The following RBFOX1 variants were observed in gnomAD, a reference collection of about 807,000 sequenced individuals.
RBFOX1 encodes the protein RNA binding fox-1 homolog 1.
A neutral mutation model predicts 57.7 loss-of-function variants in RBFOX1; 8 were observed. That is an observed-to-expected ratio of 0.14 (90% CI 0.08 to 0.25). The LOEUF is 0.25. Among genes scored for constraint, RBFOX1 ranks in the 10% least tolerant of loss-of-function variants. The pLI is 1.00. For missense variants in RBFOX1, 611 were observed against 548.5 expected (o/e 1.11, Z -1.14); for synonymous variants, 326 against 222.4 (o/e 1.47, Z -4.15).
At chr16:7,093,761 A>G (rs568505759) in intron 4 of RBFOX1, among the ~76,000 whole-genome samples, 1 of 152,206 alleles carries the variant, frequency 6.6e-6, no homozygotes, top group African/African-American at 2.4e-5. Flanking sequence ...GTTGATGTAA[A>G]TTGATCAGTA....
chr16:6,548,233 G>T (rs1178699460), intron 2 of RBFOX1, among the ~76,000 whole-genome samples: 1 of 152,072 alleles, frequency 6.6e-6, no homozygotes, highest in East Asian at 1.9e-4. Context: ...GTAAACTTTT[G>T]TTTTGTTTTG....
At chr16:6,870,297 G>C (rs569828788) in intron 3 of RBFOX1, among the ~76,000 whole-genome samples, 30 of 151,866 alleles carry the variant, frequency 2.0e-4, no homozygotes, top group African/African-American at 7.0e-4. Flanking sequence ...GTGCCTTTTT[G>C]TTTGTCAGCA....
intron 3 of RBFOX1, among the ~76,000 whole-genome samples, chr16:5,806,836 G>A (rs142609513): frequency 9.2e-5 from 14 of 152,318 alleles, no homozygotes; most frequent in East Asian, 7.7e-4. Context: ...CCTTCACGTC[G>A]TCAGGGGCTC....
At chr16:6,810,933 C>T (rs1377821275) in intron 3 of RBFOX1, among the ~76,000 whole-genome samples, 1 of 152,120 alleles carries the variant, frequency 6.6e-6, no homozygotes, top group African/African-American at 2.4e-5. Context: ...TATCAAGGTT[C>T]GGTTGCTTCC....
At chr16:7,655,420 A>G (rs2066062565) in intron 12 of RBFOX1, among the ~76,000 whole-genome samples, 1 of 152,232 alleles carries the variant, frequency 6.6e-6, no homozygotes, top group Non-Finnish European at 1.5e-5. Flanking sequence ...TAACAAACCA[A>G]GAATGAACTG....
intron 4 of RBFOX1, among the ~76,000 whole-genome samples, chr16:5,883,198 CAGG>C (rs1374184296): frequency 1.3e-5 from 2 of 151,724 alleles, no homozygotes; most frequent in African/African-American, 4.8e-5. Flanking sequence ...TTTTTTTTTG[CAGG>C]AGGAGAGGAT....
At chr16:5,770,244 A>G (rs9927115) in intron 3 of RBFOX1, among the ~76,000 whole-genome samples, 59,630 of 151,670 alleles carry the variant, frequency 0.39, 12,057 homozygotes, top group East Asian at 0.61. Flanking sequence ...ATAAAAATAG[A>G]ATGCAATAAT....
chr16:5,492,067 A>G (rs1308106841), intron 2 of RBFOX1, among the ~76,000 whole-genome samples: 1 of 152,130 alleles, frequency 6.6e-6, no homozygotes, highest in African/African-American at 2.4e-5. Flanking sequence ...TTGGAACTGC[A>G]CACTCTCGGG....
intron 3 of RBFOX1, among the ~76,000 whole-genome samples, chr16:6,825,173 A>G (rs1603629318): frequency 6.7e-6 from 1 of 150,234 alleles, no homozygotes; most frequent in East Asian, 2.0e-4. Context: ...TGCTGGTCAG[A>G]TGATCCTTTC....
In RBFOX1 at chr16:5,977,070, C is replaced by G. The variant is rs1046467299; in HGVS notation, c.351+109735C>G. Reference sequence around the variant, plus strand: ...CACAGGGCATCAGAATCTCCTGTCTCAGAGCCCAGGAATCTGCATGGTGGC... The same window carrying G: ...CACAGGGCATCAGAATCTCCTGTCTGAGAGCCCAGGAATCTGCATGGTGGC... On this transcript the variant is annotated intron_variant, in intron 4 of 19. Coordinates refer to the RBFOX1 transcript ENST00000641259. Among the ~76,000 whole-genome samples the G allele has an allele frequency of 3.9e-5, 6 of 152,140 alleles. No homozygotes were observed. The East Asian group carries it at 1.2e-3, about 29-fold the overall frequency.
intron 2 of RBFOX1, among the ~76,000 whole-genome samples, chr16:6,649,486 C>A (rs898843596): frequency 1.3e-5 from 2 of 152,142 alleles, no homozygotes; most frequent in African/African-American, 2.4e-5. Context: ...TACACCGTAC[C>A]CAACGTGTAA....
chr16:6,902,126 A>T (rs558576404), intron 3 of RBFOX1, among the ~76,000 whole-genome samples: 1 of 152,204 alleles, frequency 6.6e-6, no homozygotes, highest in South Asian at 2.1e-4. Flanking sequence ...TGAAACCAGG[A>T]GTGCTGGAAC....
intron 3 of RBFOX1, among the ~76,000 whole-genome samples, chr16:7,025,719 G>A (rs1262914859): frequency 6.6e-6 from 1 of 151,974 alleles, no homozygotes; most frequent in African/African-American, 2.4e-5. Flanking sequence ...CTGCCAGTCA[G>A]GACATCCTAG....
intron 4 of RBFOX1, among the ~76,000 whole-genome samples, chr16:7,476,215 C>G (rs1416390427): frequency 6.6e-6 from 1 of 152,162 alleles, no homozygotes; most frequent in Non-Finnish European, 1.5e-5. Flanking sequence ...TCAAATGATC[C>G]TCCCACCTAG....
intron 3 of RBFOX1, among the ~76,000 whole-genome samples, chr16:6,929,952 G>C (rs7184447): frequency 6.6e-6 from 1 of 152,114 alleles, no homozygotes; most frequent in Non-Finnish European, 1.5e-5. Context: ...CCCATAGTTC[G>C]TCAGGAATCA....
At chr16:6,429,519 C>T (rs1567251626) in intron 2 of RBFOX1, among the ~76,000 whole-genome samples, 4 of 152,148 alleles carry the variant, frequency 2.6e-5, no homozygotes, top group Admixed American at 2.6e-4. Context: ...TCTGTTTGTT[C>T]CTTGTTCAAT....
At chr16:6,975,440 A>G (rs1364343849) in intron 3 of RBFOX1, among the ~76,000 whole-genome samples, 2 of 151,904 alleles carry the variant, frequency 1.3e-5, no homozygotes, top group African/African-American at 4.8e-5. Context: ...TAATTTCTGT[A>G]TTTTTTAGTG....
intron 1 of RBFOX1, among the ~76,000 whole-genome samples, chr16:6,234,911 A>G (rs1161900234): frequency 3.3e-5 from 5 of 152,190 alleles, no homozygotes; most frequent in Non-Finnish European, 7.3e-5. Flanking sequence ...ATATTTGGTT[A>G]CAGGTTTGGA....
At chr16:6,839,906 T>G (rs1245344205) in intron 3 of RBFOX1, among the ~76,000 whole-genome samples, 1 of 152,226 alleles carries the variant, frequency 6.6e-6, no homozygotes, top group Non-Finnish European at 1.5e-5. Flanking sequence ...TTTCTTAACT[T>G]TCAATTGCAT....
Sources: gnomAD v4.1 joint callset for allele counts (sites outside exome capture counted in the v4.1 genomes callset) on GRCh38, gnomAD v4.1.1 for gene constraint, MANE v1.5 for transcripts, NCBI Gene and HGNC (gene_info 2026-07-23, HGNC 2026-07-21) for gene names.